STK39: variants seen among roughly 807,000 people sequenced by gnomAD.
STK39 encodes the protein serine/threonine kinase 39, also known as STE20/SPS1-related proline-alanine-rich protein kinase.
STK39 carries 20 observed loss-of-function variants against 77.8 expected under a neutral mutation model. The observed-to-expected ratio is 0.26, with a 90% CI of 0.18 to 0.37. The LOEUF is 0.37. STK39 is among the 10% of genes least tolerant of loss of function. STK39 has a pLI of 1.00. For missense variants in STK39, 479 were observed against 656.5 expected (o/e 0.73, Z 2.95); for synonymous variants, 246 against 234.1 (o/e 1.05, Z -0.47).
At chr2:168,159,973 T>C (rs955249345) in intron 5 of STK39, among the ~76,000 whole-genome samples, 9 of 152,128 alleles carry the variant, frequency 5.9e-5, no homozygotes, top group Non-Finnish European at 1.3e-4. Context: ...AACAGACTCC[T>C]CGGCAGTGAG....
chr2:168,148,896 G>A (rs1266919665), intron 5 of STK39, among the ~76,000 whole-genome samples: 2 of 152,140 alleles, frequency 1.3e-5, no homozygotes, highest in African/African-American at 2.4e-5. Flanking sequence ...GAACAGGCCT[G>A]AATGTTAAGT....
chr2:168,234,660 T>C (rs773259139), intron 1 of STK39, among the ~76,000 whole-genome samples: 9 of 152,178 alleles, frequency 5.9e-5, no homozygotes, highest in Non-Finnish European at 1.0e-4. Context: ...TCTACTGTAA[T>C]AGACCAGGCA....
chr2:168,165,625 C>T (rs1688675944), intron 3 of STK39, among the ~76,000 whole-genome samples: 1 of 150,914 alleles, frequency 6.6e-6, no homozygotes, highest in African/African-American at 2.4e-5. Context: ...AGTAGGCACT[C>T]AAGGAAACAA....
chr2:168,172,196 T>C lies in STK39; in HGVS notation c.322-4789A>G, dbSNP rs528483697. ...CAAAGTTAATTCAGTCTGTTCAATG[T>C]CTCAGTTTCTTCGTTGCGTGTGAGC... is the stretch of plus-strand genomic sequence containing the variant. On this transcript the variant is annotated intron_variant, in intron 2 of 17. Transcript: ENST00000355999. Among the ~76,000 whole-genome samples, 8 of 152,338 alleles carry C rather than the reference T, an allele frequency of 5.3e-5. 1 individual carries two copies. Among genetic ancestry groups the C allele is most frequent in the African/African-American group, 1.4e-4 (6 of 41,588 alleles).
chr2:168,149,507 C>T (rs989477671), intron 5 of STK39, among the ~76,000 whole-genome samples: 10 of 152,242 alleles, frequency 6.6e-5, no homozygotes, highest in Non-Finnish European at 1.3e-4. Context: ...AGATAATTAA[C>T]GTTTCTGCTG....
At chr2:168,196,742 A>C (rs906623518) in intron 1 of STK39, among the ~76,000 whole-genome samples, 1 of 152,200 alleles carries the variant, frequency 6.6e-6, no homozygotes, top group African/African-American at 2.4e-5. Context: ...GTGGTCAGAG[A>C]AGCCTCTCTC....
chr2:168,247,061 TAAAAAAAAAAAAAAAAA>T (rs755613797), intron 1 of STK39, among the ~76,000 whole-genome samples, 150 bp downstream of exon 1: 1 of 89,304 alleles, frequency 1.1e-5, no homozygotes, highest in Non-Finnish European at 2.2e-5. Context: ...CATTAAAAAT[TAAAAAAAAAAAAAAAAA>T]AAAAAAAAAA....
At chr2:168,070,622 T>G (rs1435590340) in intron 12 of STK39, among the ~76,000 whole-genome samples, 2 of 119,056 alleles carry the variant, frequency 1.7e-5, no homozygotes, top group Non-Finnish European at 3.3e-5. Flanking sequence ...CAGGCCCCAG[T>G]GTGTGATGTT....
chr2:168,132,245 GA>G (rs763892477), intron 8 of STK39, among the ~76,000 whole-genome samples: 1 of 152,046 alleles, frequency 6.6e-6, no homozygotes, highest in African/African-American at 2.4e-5. Context: ...TCAGAATGAT[GA>G]AAAAACTCAA....
chr2:168,126,799 T>C (rs1027689806), intron 10 of STK39, among the ~76,000 whole-genome samples: 9 of 152,182 alleles, frequency 5.9e-5, no homozygotes, highest in East Asian at 5.8e-4. Flanking sequence ...GATAACCCAA[T>C]TGCTCATTAA....
At chr2:168,119,808 A>G (rs1454006850) in intron 10 of STK39, among the ~76,000 whole-genome samples, 2 of 152,222 alleles carry the variant, frequency 1.3e-5, no homozygotes, top group Non-Finnish European at 2.9e-5. Flanking sequence ...TCGATATTTT[A>G]TAAGTTAATT....
chr2:168,027,165 C>T (rs1384648917), intron 14 of STK39, among the ~76,000 whole-genome samples: 5 of 152,124 alleles, frequency 3.3e-5, no homozygotes, highest in South Asian at 2.1e-4. Flanking sequence ...TTGAGAACCA[C>T]TGCTGAACCT....
At chr2:168,060,546 T>C (rs1455427552) in intron 14 of STK39, among the ~76,000 whole-genome samples, 1 of 152,206 alleles carries the variant, frequency 6.6e-6, no homozygotes, top group Non-Finnish European at 1.5e-5. Flanking sequence ...TTCAGCCGCC[T>C]AGTCTATGGT....
chr2:168,225,850 T>A (rs10167007), intron 1 of STK39, among the ~76,000 whole-genome samples: 58,277 of 151,970 alleles, frequency 0.38, 12,087 homozygotes, highest in Non-Finnish European at 0.48. Flanking sequence ...GAACTTCCGA[T>A]GCTACACCCT....
chr2:168,133,372 C>G (rs3769411), intron 8 of STK39, among the ~76,000 whole-genome samples: 58,332 of 152,098 alleles, frequency 0.38, 12,058 homozygotes, highest in South Asian at 0.53. Context: ...TTGGTTTAAA[C>G]AACCCGCCTT....
intron 14 of STK39, among the ~76,000 whole-genome samples, chr2:168,060,184 T>C (rs116515866): frequency 0.017 from 2,517 of 151,006 alleles, 20 homozygotes; most frequent in Non-Finnish European, 0.024. Flanking sequence ...AGTTCACAAA[T>C]ATGAAAAGTA....
rs1304231332 is a variant in STK39, at chr2:168,128,419, T to C, written c.1089+1122A>G. On this transcript the variant is annotated intron_variant, in intron 10 of 17. Transcript: ENST00000355999. ...CTTTTCTGTGCTTCCCCTTCAGATA[T>C]TCCACTCTGATGGACTGTCTGCTCA... Among the ~76,000 whole-genome samples, 6 of 152,150 alleles carry C rather than the reference T, an allele frequency of 3.9e-5. No homozygotes were observed. The East Asian group carries it at 7.7e-4, about 20-fold the overall frequency.
intron 1 of STK39, among the ~76,000 whole-genome samples, chr2:168,234,817 CAT>C (rs72180006): frequency 0.2 from 30,748 of 150,964 alleles, 3,958 homozygotes; most frequent in Non-Finnish European, 0.29. Context: ...CTGATTCCTA[CAT>C]ATTTTTACTC....
At chr2:168,232,335 G>T (rs1049605111) in intron 1 of STK39, 1 of 153,672 alleles carries the variant, frequency 6.5e-6, no homozygotes, top group Non-Finnish European at 1.4e-5. Flanking sequence ...ATGATTAATT[G>T]AAGGTCAGTC....
Sources: gnomAD v4.1 joint callset for allele counts (sites outside exome capture counted in the v4.1 genomes callset) on GRCh38, gnomAD v4.1.1 for gene constraint, MANE v1.5 for transcripts, NCBI Gene and HGNC (gene_info 2026-07-23, HGNC 2026-07-21) for gene names.